NR3C2: variants seen among roughly 807,000 people sequenced by gnomAD.
NR3C2 encodes nuclear receptor subfamily 3 group C member 2.
In NR3C2, 15 loss-of-function variants were observed where a neutral mutation model predicts 86.4. That is an observed-to-expected ratio of 0.17 (90% CI 0.12 to 0.27). NR3C2 has a LOEUF of 0.27. Among genes scored for constraint, NR3C2 ranks in the 10% least tolerant of loss-of-function variants. The probability of loss-of-function intolerance (pLI) is 1.00; values close to 1 mark genes in which losing one functional copy is unlikely to be tolerated. For synonymous variants in NR3C2, 458 were observed against 450.5 expected, an observed-to-expected ratio of 1.02 and a Z score of -0.21; for missense variants, 960 against 1,195.6, an observed-to-expected ratio of 0.80 and a Z score of 2.91.
intron 3 of NR3C2, 38 bp from the exon 4 acceptor site, chr4:148,194,900 T>C (rs376443453): frequency 4.5e-5 from 61 of 1,354,198 alleles, no homozygotes; most frequent in Non-Finnish European, 6.2e-5. Flanking sequence ...TAAAATAGAG[T>C]ACACTAGTAC....
chr4:148,440,695 T>C (rs1228657088), intron 1 of NR3C2, among the ~76,000 whole-genome samples: 5 of 152,242 alleles, frequency 3.3e-5, no homozygotes, highest in African/African-American at 1.2e-4. Context: ...ACATATGCTC[T>C]CAAACACAAA....
At chr4:148,292,389 T>C (rs890035379) in intron 2 of NR3C2, among the ~76,000 whole-genome samples, 1 of 152,082 alleles carries the variant, frequency 6.6e-6, no homozygotes, top group African/African-American at 2.4e-5. Context: ...TATTTGTTGC[T>C]TTATATAATT....
intron 2 of NR3C2, among the ~76,000 whole-genome samples, chr4:148,385,704 C>A (rs1747229869): frequency 6.6e-6 from 1 of 152,078 alleles, no homozygotes; most frequent in Non-Finnish European, 1.5e-5. Flanking sequence ...ACAAGAATCT[C>A]CACAGAGGTC....
intron 2 of NR3C2, among the ~76,000 whole-genome samples, chr4:148,416,540 T>C (rs1217045593): frequency 6.6e-6 from 1 of 152,202 alleles, no homozygotes; most frequent in Non-Finnish European, 1.5e-5. Flanking sequence ...GAGTCCATGC[T>C]CTGGAATCAA....
chr4:148,205,790 G>A (rs1292303240), intron 3 of NR3C2, among the ~76,000 whole-genome samples: 2 of 152,124 alleles, frequency 1.3e-5, no homozygotes, highest in Admixed American at 6.5e-5. Context: ...AGGCTTCACA[G>A]AAGAAATAAC....
intron 2 of NR3C2, among the ~76,000 whole-genome samples, chr4:148,432,582 C>T (rs1461945595): frequency 6.6e-6 from 1 of 152,132 alleles, no homozygotes; most frequent in East Asian, 1.9e-4. Flanking sequence ...GTTCAAGGTT[C>T]AACCTAATGA....
At chr4:148,401,034 A>T (rs1512326) in intron 2 of NR3C2, among the ~76,000 whole-genome samples, 1 of 152,182 alleles carries the variant, frequency 6.6e-6, no homozygotes, top group Admixed American at 6.5e-5. Context: ...ATCAAACACC[A>T]TGAGTATTCA....
chr4:148,442,693 T>C, upstream of NR3C2: 1 of 985,372 alleles, frequency 1.0e-6, no homozygotes, highest in African/African-American at 1.7e-5. Flanking sequence ...ACAAAGTTGC[T>C]GCGACACAGC....
chr4:148,385,784 C>T (rs963024024), intron 2 of NR3C2, among the ~76,000 whole-genome samples: 3 of 152,160 alleles, frequency 2.0e-5, no homozygotes, highest in Non-Finnish European at 4.4e-5. Flanking sequence ...ATGCTGCTCT[C>T]AGCCCCTAGG....
At chr4:148,287,337 T>G (rs1280885140) in intron 2 of NR3C2, among the ~76,000 whole-genome samples, 1 of 152,216 alleles carries the variant, frequency 6.6e-6, no homozygotes, top group African/African-American at 2.4e-5. Context: ...GCATTCAGGT[T>G]ATTAGCTTGA....
intron 3 of NR3C2, among the ~76,000 whole-genome samples, chr4:148,216,503 G>A (rs574380701): frequency 6.6e-6 from 1 of 152,138 alleles, no homozygotes; most frequent in Non-Finnish European, 1.5e-5. Context: ...CAAGATTTGA[G>A]CCCAAGCAGA....
At chr4:148,100,754 A>G (rs1731499370) in intron 8 of NR3C2, among the ~76,000 whole-genome samples, 1 of 152,246 alleles carries the variant, frequency 6.6e-6, no homozygotes, top group Admixed American at 6.5e-5. Context: ...TCTCAAAGAG[A>G]TATTTATACA....
At chr4:148,259,904 T>C (rs1740011060) in intron 3 of NR3C2, 74 bp downstream of exon 3, 1 of 1,565,204 alleles carries the variant, frequency 6.4e-7, no homozygotes, top group Admixed American at 1.7e-5. Context: ...CCAATAATGC[T>C]ATAGCATTAG....
At chr4:148,307,364 CTATTA>C (rs1348068967) in intron 2 of NR3C2, among the ~76,000 whole-genome samples, 2 of 152,004 alleles carry the variant, frequency 1.3e-5, no homozygotes, top group Admixed American at 6.6e-5. Context: ...ATCAGTTATT[CTATTA>C]TATTTTAGGA....
At chr4:148,444,157 C>T (rs918286177), upstream of NR3C2, 18 of 985,432 alleles carry the variant, frequency 1.8e-5, no homozygotes, top group African/African-American at 3.0e-4. Flanking sequence ...GGACCTAGAG[C>T]CTGGGCACGC....
At chr4:148,293,383 G>T (rs183002514) in intron 2 of NR3C2, among the ~76,000 whole-genome samples, 53 of 152,258 alleles carry the variant, frequency 3.5e-4, no homozygotes, top group African/African-American at 1.3e-3. Context: ...TAAACAGATT[G>T]TTCTGTGAAC....
At chr4:148,327,319 T>C (rs1323555460) in intron 2 of NR3C2, among the ~76,000 whole-genome samples, 2 of 152,188 alleles carry the variant, frequency 1.3e-5, no homozygotes, top group East Asian at 3.8e-4. Flanking sequence ...CATCAAAAAC[T>C]GGAGGGGAGG....
chr4:148,440,917 T>C (rs1447890424), intron 1 of NR3C2, among the ~76,000 whole-genome samples: 1 of 152,256 alleles, frequency 6.6e-6, no homozygotes, highest in Non-Finnish European at 1.5e-5. Context: ...CTTTTTTATA[T>C]TTATTTGACT....
At chr4:148,212,568 T>C (rs549976896) in intron 3 of NR3C2, among the ~76,000 whole-genome samples, 4 of 152,332 alleles carry the variant, frequency 2.6e-5, no homozygotes, top group Admixed American at 2.0e-4. Flanking sequence ...AGTTACTGTT[T>C]AAAACCTTGT....
Sources: allele counts gnomAD v4.1 joint callset (sites outside exome capture counted in the v4.1 genomes callset), GRCh38; gene constraint gnomAD v4.1.1; transcripts MANE v1.5; gene names NCBI Gene and HGNC (gene_info 2026-07-23, HGNC 2026-07-21).